The following DBH variants were observed in gnomAD, a reference collection of about 807,000 sequenced individuals.
DBH encodes dopamine beta-hydroxylase (dopamine beta-monooxygenase).
DBH carries 49 observed loss-of-function variants against 64.0 expected under a neutral mutation model. That is an observed-to-expected ratio of 0.77 (90% CI 0.61 to 0.97). The LOEUF is 0.97. Among genes scored for constraint, DBH ranks in the 50% least tolerant of loss-of-function variants. The pLI is 0.00. For missense variants in DBH, 828 were observed against 826.6 expected (o/e 1.00, Z -0.02); for synonymous variants, 343 against 347.1 (o/e 0.99, Z 0.13).
intron 11 of DBH, 82 bp downstream of exon 11, chr9:133,657,311 T>A (rs1181862050): frequency 7.7e-6 from 12 of 1,553,308 alleles, no homozygotes; most frequent in Middle Eastern, 1.7e-4. Context: ...GGGTCTGCAC[T>A]CCAAACTGCT....
intron 8 of DBH, 42 bp from the exon 9 acceptor site, chr9:133,652,898 G>C: frequency 2.0e-6 from 3 of 1,519,006 alleles, no homozygotes; most frequent in Non-Finnish European, 2.7e-6. Flanking sequence ...ACCTGCCAAC[G>C]CCAGGTGGCA....
intron 6 of DBH, 140 bp from the exon 7 acceptor site, chr9:133,651,494 C>T (rs931563180): frequency 2.7e-5 from 29 of 1,084,212 alleles, no homozygotes; most frequent in Middle Eastern, 2.9e-4. Flanking sequence ...CTAACCTGGC[C>T]GGGGAGAAAG....
In DBH at chr9:133,658,424, A is replaced by G. The variant is rs568326839; in HGVS notation, c.1831A>G (p.Ser611Gly). The stretch of plus-strand genomic sequence containing the variant: ...AAGCCCTGCTGGCCCCACCGTTGTC[A>G]GCATTGGTGGGGGCAAAGGCTGAGG... ...GRSPAGPTVV[S>G]IGGGKG The change falls in exon 12 of 12, where the codon AGC becomes GGC. Residue 611 changes from serine to glycine, a missense_variant. Physicochemically the swap from Ser to Gly is moderately conservative, Grantham distance 56. Coordinates refer to ENST00000393056, the MANE Select transcript of DBH (RefSeq NM_000787.4). 30 of 1,612,512 alleles carry G rather than the reference A, an allele frequency of 1.9e-5. No homozygotes were observed. In the South Asian group the frequency reaches 2.7e-4, roughly 15 times the overall value.
intron 11 of DBH, 81 bp downstream of exon 11, chr9:133,657,310 C>G: frequency 1.9e-6 from 3 of 1,551,898 alleles, no homozygotes; most frequent in Non-Finnish European, 2.6e-6. Flanking sequence ...TGGGTCTGCA[C>G]TCCAAACTGC....
At chr9:133,641,926 C>T (rs1490910600) in intron 2 of DBH, among the ~76,000 whole-genome samples, 1 of 152,160 alleles carries the variant, frequency 6.6e-6, no homozygotes, top group Non-Finnish European at 1.5e-5. Context: ...ACGGCGGGCC[C>T]AGTAGTCACT....
Position 133,657,089 on chromosome 9 carries a change from T to G in DBH, c.1582T>G (p.Cys528Gly). 2.5e-6 allele frequency: 4 copies of G among 1,614,010 alleles called. No homozygotes were observed. Among genetic ancestry groups the G allele is most frequent in the Non-Finnish European group, 3.4e-6 (4 of 1,180,032 alleles). ...LINRFNNEDV[C>G]TCPQASVSQQ... ...CACCAGGTTCAACAACGAGGATGTC[T>G]GCACCTGCCCTCAGGCGTCCGTGTC... The change falls in exon 11 of 12, where the codon TGC (cysteine) becomes GGC (glycine). Residue 528 changes from cysteine to glycine, a missense_variant. Physicochemically the swap from Cys to Gly is radical, Grantham distance 159. Transcript: ENST00000393056.
chr9:133,642,192 C>G lies in DBH; in HGVS notation c.487-15C>G. On this transcript the variant is annotated splice_polypyrimidine_tract_variant and intron_variant, in intron 2 of 11. Coordinates refer to ENST00000393056, the MANE Select transcript of DBH (RefSeq NM_000787.4). ...CTCTGAGAGGGCGACCAGCTGAACC[C>G]TGTCTCGGCTGCAGGACGGCACTGT... is the stretch of plus-strand genomic sequence containing the variant. 1 of 1,612,374 alleles carries G rather than the reference C, an allele frequency of 6.2e-7. No individual in the cohort carries two copies. The highest frequency in any genetic ancestry group is 8.5e-7 in the Non-Finnish European group (1 of 1,179,960).
intron 9 of DBH, among the ~76,000 whole-genome samples, chr9:133,654,099 T>TTATTA (rs1387171236): frequency 7.5e-6 from 1 of 132,822 alleles, no homozygotes; most frequent in Non-Finnish European, 1.6e-5. Context: ...TGCCAGTGGT[T>TTATTA]TATTTTATTT....
chr9:133,652,179 G>A, intron 7 of DBH, 67 bp from the exon 8 acceptor site: 1 of 1,590,814 alleles, frequency 6.3e-7, no homozygotes, highest in Non-Finnish European at 8.6e-7. Flanking sequence ...GGACACAGTG[G>A]CCGGGGGTCT....
At chr9:133,641,019 C>G (rs1032539230) in intron 2 of DBH, among the ~76,000 whole-genome samples, 3 of 152,088 alleles carry the variant, frequency 2.0e-5, no homozygotes, top group Non-Finnish European at 4.4e-5. Context: ...TGGTGTGTGA[C>G]AGTCAGGTGG....
In DBH at chr9:133,652,126, G is replaced by A. The variant is rs550645779; in HGVS notation, c.1336-120G>A. 8.6e-6 allele frequency: 10 copies of A among 1,164,234 alleles called. No individual in the cohort carries two copies. The South Asian group carries it at 1.2e-4, about 14-fold the overall frequency. The allele number at this position is 1,164,234 out of a possible 1,614,324, so 72.1% of individuals were successfully genotyped here. A position where few individuals can be genotyped will look rare whatever the true frequency, so the allele number is the denominator to read the frequency against. ...GGCTCTGGCTTCCACTGTAGAGGCT[G>A]GGGCAAAATGGACACCCCCAGAGGT... is the stretch of plus-strand genomic sequence containing the variant. On this transcript the variant is annotated intron_variant, in intron 7 of 11. Transcript: ENST00000393056.
chr9:133,658,453 G>A lies in DBH; in HGVS notation c.*6G>A. 3 of 1,602,662 alleles carry A rather than the reference G, an allele frequency of 1.9e-6. No homozygotes were observed. Among genetic ancestry groups the A allele is most frequent in the African/African-American group, 2.7e-5 (2 of 74,720 alleles). The stretch of plus-strand genomic sequence containing the variant: ...TTGGTGGGGGCAAAGGCTGAGGGGG[G>A]ACCTACTCCTCCCCCTCCTCCATGC... On this transcript the variant is annotated 3_prime_UTR_variant, in exon 12 of 12. Transcript: ENST00000393056.
rs752114627 is a variant in DBH at position 133,657,145 on chromosome 9, C to T, written c.1638C>T (p.Ser546=). Residue 546 remains serine (S), a synonymous_variant, in exon 11 of 12, where the codon TCC becomes TCT. Transcript: ENST00000393056. ...AGTTCACCTCTGTTCCCTGGAACTC[C>T]TTCAACCGCGACGTACTGAAGGCCC... ...SQQFTSVPWN[S]FNRDVLKALY... is the part of the protein sequence containing the mutation. 3 of 1,614,098 alleles carry T rather than the reference C, an allele frequency of 1.9e-6. No homozygotes were observed. In the South Asian group the frequency reaches 3.3e-5, roughly 18 times the overall value.
At chr9:133,650,384 GACTC>G (rs1407490422) in intron 6 of DBH, among the ~76,000 whole-genome samples, 4 of 152,146 alleles carry the variant, frequency 2.6e-5, no homozygotes, top group African/African-American at 9.7e-5. Context: ...AAGGACAACT[GACTC>G]ACAAAGAAAA....
chr9:133,636,380 C>T lies in DBH; in HGVS notation c.9C>T (p.Ala3=), dbSNP rs1229611113. 1 of 1,609,350 alleles carries T rather than the reference C, an allele frequency of 6.2e-7. No individual in the cohort carries two copies. Among genetic ancestry groups the T allele is most frequent in the Non-Finnish European group, 8.5e-7 (1 of 1,179,984 alleles). Residue 3 remains alanine (A), a synonymous_variant, in exon 1 of 12, where the codon GCC becomes GCT. Transcript: ENST00000393056. ...GAGAGCTCACCCCAGCCATGCCCGC[C>T]CTCAGTCGCTGGGCCAGCCTGCCCG... MP[A]LSRWASLPGP...
In DBH at chr9:133,642,380, T is replaced by A; in HGVS notation, c.660T>A (p.Asn220Lys). Residue 220 changes from asparagine (N) to lysine (K), a missense_variant, in exon 3 of 12, where the codon AAT becomes AAA. By Grantham distance (94) the Asn-to-Lys change is moderately conservative. Transcript: ENST00000393056. ...GCACCATGGAGGTCCAAGCTCCCAA[T>A]ATCCAGATCCCCAGCCAGGAGACCA... ...DACTMEVQAPNIQIPSQETTY... is the reference protein window; with the variant it reads ...DACTMEVQAPKIQIPSQETTY... 1 of 1,614,088 alleles carries A rather than the reference T, an allele frequency of 6.2e-7. No homozygotes were observed. The highest frequency in any genetic ancestry group is 8.5e-7 in the Non-Finnish European group (1 of 1,179,996).
rs199926239 is a variant in DBH at position 133,647,840 on chromosome 9, T to C, written c.1025-6T>C. 2 of 1,614,152 alleles carry C rather than the reference T, an allele frequency of 1.2e-6. No individual in the cohort carries two copies. Among genetic ancestry groups the C allele is most frequent in the African/African-American group, 1.3e-5 (1 of 75,048 alleles). On this transcript the variant is annotated splice_region_variant and splice_polypyrimidine_tract_variant and intron_variant, in intron 5 of 11. Transcript: ENST00000393056. The stretch of plus-strand genomic sequence containing the variant: ...GCTCACCTCCATCCATCCCACCTTC[T>C]CCCAGGACGAAACGACTCCTCAGGC...
At chr9:133,645,085 G>A (rs1357466332) in intron 5 of DBH, among the ~76,000 whole-genome samples, 1 of 152,150 alleles carries the variant, frequency 6.6e-6, no homozygotes, top group South Asian at 2.1e-4. Flanking sequence ...TAAGAGATAG[G>A]TGCTAGGCTG....
At chr9:133,644,520 C>G (rs908153203) in intron 5 of DBH, among the ~76,000 whole-genome samples, 200 bp downstream of exon 5, 1 of 152,238 alleles carries the variant, frequency 6.6e-6, no homozygotes, top group African/African-American at 2.4e-5. Context: ...CCTCGAGGGG[C>G]TCACTCCTCA....
Sources: gnomAD v4.1 joint callset for allele counts (sites outside exome capture counted in the v4.1 genomes callset) on GRCh38, gnomAD v4.1.1 for gene constraint, MANE v1.5 for transcripts, NCBI Gene and HGNC (gene_info 2026-07-23, HGNC 2026-07-21) for gene names.